RUNX1: variants seen among roughly 807,000 people sequenced by gnomAD.
RUNX1 encodes RUNX family transcription factor 1.
RUNX1 carries 19 observed loss-of-function variants against 42.8 expected under a neutral mutation model. The ratio of observed to expected loss-of-function variants is 0.44; its 90% CI spans 0.31 to 0.65. RUNX1 has a LOEUF of 0.65. RUNX1 is among the 30% of genes least tolerant of loss of function. RUNX1 has a pLI of 0.07. For synonymous variants in RUNX1, 271 were observed against 289.4 expected, an observed-to-expected ratio of 0.94 and a Z score of 0.64; for missense variants, 528 against 672.0, an observed-to-expected ratio of 0.79 and a Z score of 2.37.
chr21:34,889,459 A>G (rs888633621), intron 3 of RUNX1, among the ~76,000 whole-genome samples: 3 of 152,104 alleles, frequency 2.0e-5, no homozygotes, highest in African/African-American at 7.2e-5. Flanking sequence ...GTCAGCGGCC[A>G]GCGAAGAGTT....
intron 2 of RUNX1, among the ~76,000 whole-genome samples, chr21:35,014,856 C>T (rs535638818): frequency 1.1e-4 from 16 of 152,370 alleles, no homozygotes; most frequent in East Asian, 9.6e-4. Flanking sequence ...TGCACTATTG[C>T]GACTTCTCTG....
intron 2 of RUNX1, among the ~76,000 whole-genome samples, chr21:34,958,190 G>A (rs1250970085): frequency 2.0e-5 from 3 of 152,104 alleles, no homozygotes; most frequent in Non-Finnish European, 4.4e-5. Flanking sequence ...TAGACAACAC[G>A]GGACTCCAAG....
intron 5 of RUNX1, among the ~76,000 whole-genome samples, chr21:34,865,323 T>TGTGC (rs2057644832): frequency 7.2e-6 from 1 of 138,940 alleles, no homozygotes; most frequent in Non-Finnish European, 1.6e-5. Context: ...TGTGTGTGTG[T>TGTGC]GTTCAGCAGG....
At chr21:34,870,216 C>T (rs2057717713) in intron 5 of RUNX1, among the ~76,000 whole-genome samples, 1 of 152,156 alleles carries the variant, frequency 6.6e-6, no homozygotes, top group African/African-American at 2.4e-5. Flanking sequence ...CTGTTGTTTG[C>T]TATGCACTCA....
chr21:35,048,822 C>G lies in RUNX1; in HGVS notation c.58+20G>C. 1 of 1,606,638 alleles carries G rather than the reference C, an allele frequency of 6.2e-7. No homozygotes were observed. The highest frequency in any genetic ancestry group is 1.1e-5 in the South Asian group (1 of 90,942). On this transcript the variant is annotated intron_variant, in intron 2 of 8. Coordinates refer to ENST00000675419, the MANE Select transcript of RUNX1 (RefSeq NM_001754.5). ...CAAAGCTGAGCAAAAGTAGATATTA[C>G]AAGACCAGCATGTACTCACCTCTCA... is the stretch of plus-strand genomic sequence containing the variant.
chr21:34,842,925 G>A (rs967188578), intron 6 of RUNX1, among the ~76,000 whole-genome samples: 24 of 151,986 alleles, frequency 1.6e-4, no homozygotes, highest in African/African-American at 5.1e-4. Flanking sequence ...AAAAGTAGCC[G>A]GGCATGGTGG....
At chr21:34,971,164 T>C (rs113335191) in intron 2 of RUNX1, among the ~76,000 whole-genome samples, 3,828 of 152,282 alleles carry the variant, frequency 0.025, 154 homozygotes, top group African/African-American at 0.087. Flanking sequence ...AATTGACTTA[T>C]TAGTATTAGG....
chr21:35,010,239 T>G (rs1382946955), intron 2 of RUNX1, among the ~76,000 whole-genome samples: 1 of 152,200 alleles, frequency 6.6e-6, no homozygotes, highest in Non-Finnish European at 1.5e-5. Flanking sequence ...AAGGCATTAT[T>G]ACTCCATAAG....
rs959942519 is a variant in RUNX1 at position 34,843,042 on chromosome 21, C to A, written c.614-8441G>T. On this transcript the variant is annotated intron_variant, in intron 6 of 8. Transcript: ENST00000675419. This position sits in a 1 kb window ranked among gnomAD's most constrained non-coding sequence, Gnocchi z 4.8. ...CCAAGATCATGCCAGTGCACTCCAG[C>A]CTGAGCGACAGAGCGAGACTCTGTC... Among the ~76,000 whole-genome samples, 25 of 152,116 alleles carry A rather than the reference C, an allele frequency of 1.6e-4. No individual in the cohort carries two copies. Among genetic ancestry groups the A allele is most frequent in the African/African-American group, 5.3e-4 (22 of 41,398 alleles).
chr21:34,886,684 A>G (rs2057993018), intron 4 of RUNX1, among the ~76,000 whole-genome samples, 159 bp downstream of exon 4: 1 of 152,228 alleles, frequency 6.6e-6, no homozygotes, highest in Non-Finnish European at 1.5e-5. Context: ...CGCCACGGCA[A>G]CACAGCATCC....
intron 7 of RUNX1, among the ~76,000 whole-genome samples, chr21:34,824,615 G>A (rs554986382): frequency 4.4e-4 from 67 of 152,304 alleles, no homozygotes; most frequent in Non-Finnish European, 7.2e-4. Context: ...TGAGGCTAAG[G>A]CTTGGAAGGA....
intron 3 of RUNX1, among the ~76,000 whole-genome samples, chr21:34,890,213 G>A (rs2058064135): frequency 6.6e-6 from 1 of 151,764 alleles, no homozygotes; most frequent in African/African-American, 2.4e-5. Flanking sequence ...ACGCCAGGGG[G>A]CAGCAGCCGC....
chr21:34,995,975 C>T (rs55773542), intron 2 of RUNX1, among the ~76,000 whole-genome samples: 20,097 of 152,090 alleles, frequency 0.13, 1,463 homozygotes, highest in Admixed American at 0.21. Context: ...TTAGAATGCC[C>T]CCACCACACA....
chr21:34,857,545 G>A (rs1199681245), intron 6 of RUNX1, among the ~76,000 whole-genome samples: 1 of 152,188 alleles, frequency 6.6e-6, no homozygotes, highest in Non-Finnish European at 1.5e-5. Flanking sequence ...GCTTCTTCAG[G>A]CTGGTCGGCA....
chr21:34,992,143 G>A (rs542757810), intron 2 of RUNX1, among the ~76,000 whole-genome samples: 1 of 152,366 alleles, frequency 6.6e-6, no homozygotes, highest in African/African-American at 2.4e-5. Flanking sequence ...CCCCTCTCAG[G>A]AGAGTGAAGC....
chr21:34,927,930 T>C (rs2058408239), intron 2 of RUNX1, among the ~76,000 whole-genome samples: 2 of 151,968 alleles, frequency 1.3e-5, no homozygotes, highest in African/African-American at 4.8e-5. Flanking sequence ...GCCTGGAGAG[T>C]TTTAAAAAAT....
intron 2 of RUNX1, among the ~76,000 whole-genome samples, chr21:34,913,689 A>G (rs2058290266): frequency 6.6e-6 from 1 of 152,182 alleles, no homozygotes; most frequent in South Asian, 2.1e-4. Flanking sequence ...AATAATTCAC[A>G]TGGCAGCATC....
chr21:34,919,054 C>T (rs1201651695), intron 2 of RUNX1, among the ~76,000 whole-genome samples: 1 of 152,134 alleles, frequency 6.6e-6, no homozygotes, highest in African/African-American at 2.4e-5. Context: ...AGGGCTTTCA[C>T]TTTCGCATCA....
chr21:34,964,042 T>C (rs1049231265), intron 2 of RUNX1, among the ~76,000 whole-genome samples: 32 of 152,264 alleles, frequency 2.1e-4, no homozygotes, highest in African/African-American at 7.2e-4. Context: ...ACAGAACTGA[T>C]GAGGGAGAGG....
Sources: gnomAD v4.1 joint callset for allele counts (sites outside exome capture counted in the v4.1 genomes callset) on GRCh38, gnomAD v4.1.1 for gene constraint, Gnocchi (gnomAD v3.1) non-coding constraint, MANE v1.5 for transcripts, NCBI Gene and HGNC (gene_info 2026-07-23, HGNC 2026-07-21) for gene names.